The following ERP44 variants were observed in gnomAD, a reference collection of about 807,000 sequenced individuals.
ERP44 encodes endoplasmic reticulum protein 44.
ERP44 carries 25 observed loss-of-function variants against 53.4 expected under a neutral mutation model. That is an observed-to-expected ratio of 0.47 (90% CI 0.34 to 0.65). The LOEUF (loss-of-function observed/expected upper bound fraction) is 0.65. Among genes scored for constraint, ERP44 ranks in the 30% least tolerant of loss-of-function variants. ERP44 has a pLI of 0.01. For missense variants in ERP44, 338 were observed against 493.2 expected (o/e 0.69, Z 2.98); for synonymous variants, 145 against 161.2 (o/e 0.90, Z 0.76).
intron 1 of ERP44, among the ~76,000 whole-genome samples, chr9:100,067,424 C>T (rs1826226562): frequency 6.6e-6 from 1 of 152,226 alleles, no homozygotes; most frequent in Admixed American, 6.5e-5. Context: ...AGCTCCTAAC[C>T]GCGAGTGATC....
intron 10 of ERP44, among the ~76,000 whole-genome samples, chr9:99,995,003 C>G (rs1295546342): frequency 6.6e-6 from 1 of 151,978 alleles, no homozygotes; most frequent in Non-Finnish European, 1.5e-5. Context: ...TTTTGGTTGT[C>G]TTGGATTTCC....
In ERP44 at chr9:99,981,392, T is replaced by C. The variant is rs1830147839; in HGVS notation, c.*1220A>G. 1.3e-5 allele frequency: 2 copies of C among 152,676 alleles called. No individual in the cohort carries two copies. Among genetic ancestry groups the C allele is most frequent in the African/African-American group, 4.8e-5 (2 of 41,460 alleles). 9.5% of individuals were successfully genotyped at this position (152,676 alleles called of 1,614,324 possible). Reference sequence around the variant, plus strand: ...TACATACTACATATAATGGCACATGTCAGCCTTTTAAGCTTAAAAATAATC... The same window carrying C: ...TACATACTACATATAATGGCACATGCCAGCCTTTTAAGCTTAAAAATAATC... On this transcript the variant is annotated 3_prime_UTR_variant, in exon 12 of 12. Transcript: ENST00000262455.
intron 4 of ERP44, among the ~76,000 whole-genome samples, chr9:100,048,149 G>A (rs780927883): frequency 3.1e-4 from 47 of 152,066 alleles, no homozygotes; most frequent in African/African-American, 1.1e-3. Flanking sequence ...GGCTGAGTGG[G>A]AGGATCCCTT....
intron 3 of ERP44, 94 bp from the exon 4 acceptor site, chr9:100,052,626 A>T: frequency 5.3e-6 from 3 of 570,536 alleles, no homozygotes; most frequent in East Asian, 3.1e-5. Context: ...TATAGGCATA[A>T]TAAACGACTC....
chr9:99,986,506 C>G (rs1246405127), intron 10 of ERP44, among the ~76,000 whole-genome samples: 5 of 152,020 alleles, frequency 3.3e-5, no homozygotes, highest in Non-Finnish European at 7.4e-5. Context: ...ACTTTAATTC[C>G]TTGGGTAGAA....
intron 4 of ERP44, among the ~76,000 whole-genome samples, chr9:100,030,398 G>A (rs568972637): frequency 4.6e-5 from 7 of 152,276 alleles, no homozygotes; most frequent in East Asian, 1.9e-4. Flanking sequence ...GGGGTATCCG[G>A]GTAAAGGATG....
rs571714195 is a variant in ERP44, at chr9:99,999,187, C to A, written c.1016+7319G>T. The A allele has an allele frequency of 3.3e-3, 1,679 of 508,426 alleles. 10 individuals are homozygous for A. Among genetic ancestry groups the A allele is most frequent in the Middle Eastern group, 8.7e-3 (16 of 1,844 alleles). 31.5% of individuals were successfully genotyped at this position (508,426 alleles called of 1,614,324 possible). ...CCCCGACCCTGTCCCCCGCCCCTCC[C>A]CCTCCGCTCAAGGCCGTCCTCTCGA... On this transcript the variant is annotated intron_variant, in intron 10 of 11. Transcript: ENST00000262455.
chr9:100,014,295 T>G (rs1830506792), intron 8 of ERP44, among the ~76,000 whole-genome samples: 1 of 152,224 alleles, frequency 6.6e-6, no homozygotes, highest in Non-Finnish European at 1.5e-5. Flanking sequence ...TTTGTTTTTC[T>G]TTTTTGGAGG....
rs546628651 is a variant in ERP44 at position 100,067,434 on chromosome 9, C to T, written c.58-7262G>A. On this transcript the variant is annotated intron_variant, in intron 1 of 11. Transcript: ENST00000262455. ...TCTCCAGCTCCTAACCGCGAGTGAT[C>T]CGCCAGCCTCGGCCTCCCGAGGTGC... is the stretch of plus-strand genomic sequence containing the variant. Among the ~76,000 whole-genome samples the T allele has an allele frequency of 7.2e-5, 11 of 152,322 alleles. No homozygotes were observed. In the East Asian group the frequency reaches 1.7e-3, roughly 24 times the overall value.
chr9:100,043,467 T>C (rs547656247), intron 4 of ERP44, among the ~76,000 whole-genome samples: 3 of 151,748 alleles, frequency 2.0e-5, no homozygotes, highest in Non-Finnish European at 4.4e-5. Flanking sequence ...CTTCAAAATA[T>C]CTTTTGGCCT....
chr9:100,038,267 A>T (rs1042258717), intron 4 of ERP44, among the ~76,000 whole-genome samples: 1 of 152,190 alleles, frequency 6.6e-6, no homozygotes, highest in African/African-American at 2.4e-5. Flanking sequence ...TAAATTAGGG[A>T]CCAATCAAAA....
intron 8 of ERP44, among the ~76,000 whole-genome samples, chr9:100,011,571 A>G (rs1830476796): frequency 6.6e-6 from 1 of 152,190 alleles, no homozygotes; most frequent in Non-Finnish European, 1.5e-5. Flanking sequence ...CCTGTACCTG[A>G]GCATCCAGTG....
intron 11 of ERP44, among the ~76,000 whole-genome samples, chr9:99,983,775 T>C (rs1005941424): frequency 2.0e-5 from 3 of 152,150 alleles, no homozygotes; most frequent in Non-Finnish European, 4.4e-5. Flanking sequence ...TGTTCCTCTT[T>C]CCCAATACAT....
At chr9:100,027,658 T>C (rs1830666959) in intron 4 of ERP44, among the ~76,000 whole-genome samples, 1 of 152,206 alleles carries the variant, frequency 6.6e-6, no homozygotes, top group South Asian at 2.1e-4. Flanking sequence ...TTTGCTCCAA[T>C]GGTCACTTAC....
rs762981095 is a variant in ERP44, at chr9:100,006,525, C to T, written c.997G>A (p.Gly333Arg). Reference sequence around the variant, plus strand: ...ACTCACAATACATCTTTGAAGTCTCCAAACACATACATATGCCTAAAGCTG... The same window carrying T: ...ACTCACAATACATCTTTGAAGTCTCTAAACACATACATATGCCTAAAGCTG... The part of the protein sequence containing the change: ...IDSFRHMYVF[G>R]DFKDVLIPGK... The change falls in exon 10 of 12, where the codon GGA (glycine) becomes AGA (arginine). Residue 333 changes from glycine to arginine, a missense_variant. Physicochemically the swap from Gly to Arg is moderately radical, Grantham distance 125. Coordinates refer to ENST00000262455, the MANE Select transcript of ERP44 (RefSeq NM_015051.3). The T allele has an allele frequency of 4.4e-6, 7 of 1,608,552 alleles. No individual in the cohort carries two copies. In the African/African-American group the frequency reaches 8.0e-5, roughly 18 times the overall value.
chr9:99,990,184 C>T (rs149256952), intron 10 of ERP44, among the ~76,000 whole-genome samples: 1 of 152,140 alleles, frequency 6.6e-6, no homozygotes, highest in African/African-American at 2.4e-5. Context: ...CAAAGATACT[C>T]CTCGACAAGA....
intron 1 of ERP44, among the ~76,000 whole-genome samples, chr9:100,089,842 A>C (rs561805859): frequency 6.6e-6 from 1 of 152,304 alleles, no homozygotes; most frequent in Non-Finnish European, 1.5e-5. Flanking sequence ...GAAAAAACAT[A>C]GTATATATAG....
In ERP44 at chr9:99,981,959, G is replaced by A. The variant is rs1830153007; in HGVS notation, c.*653C>T. On this transcript the variant is annotated 3_prime_UTR_variant, in exon 12 of 12. Coordinates refer to ENST00000262455, the MANE Select transcript of ERP44 (RefSeq NM_015051.3). ...GCCACATTTTTAGACAAACACAGAA[G>A]CTTAATAATACTTTTCATTTTCTTT... 6.6e-6 allele frequency: 1 copy of A among 152,296 alleles called. No individual in the cohort carries two copies. Among genetic ancestry groups the A allele is most frequent in the Non-Finnish European group, 1.5e-5 (1 of 68,028 alleles). 9.4% of individuals were successfully genotyped at this position (152,296 alleles called of 1,614,324 possible). A position where few individuals can be genotyped will look rare whatever the true frequency, so the allele number is the denominator to read the frequency against.
At chr9:100,002,664 C>CTCTTCTCTTGCTGCTTTCAGAA (rs1209071325) in intron 10 of ERP44, among the ~76,000 whole-genome samples, 2 of 152,034 alleles carry the variant, frequency 1.3e-5, no homozygotes, top group East Asian at 1.9e-4. Flanking sequence ...ATGTTATTTG[C>CTCTTCTCTTGCTGCTTTCAGAA]TCTTCTCTTG....
Sources: gnomAD v4.1 joint callset for allele counts (sites outside exome capture counted in the v4.1 genomes callset) on GRCh38, gnomAD v4.1.1 for gene constraint, MANE v1.5 for transcripts, NCBI Gene and HGNC (gene_info 2026-07-23, HGNC 2026-07-21) for gene names.